The following INSL6 variants were observed in gnomAD, a reference collection of about 807,000 sequenced individuals.
INSL6 encodes insulin like 6, also known as insulin-like peptide INSL6.
INSL6 carries 16 observed loss-of-function variants against 9.4 expected under a neutral mutation model. The observed-to-expected ratio is 1.70, with a 90% CI of 1.15 to 2.59. The LOEUF (loss-of-function observed/expected upper bound fraction) is 2.59. Among genes scored for constraint, INSL6 ranks in the 30% most tolerant of loss-of-function variants. The pLI is 0.00. For synonymous variants in INSL6, 154 were observed against 96.9 expected (o/e 1.59, Z -3.46); for missense variants, 391 against 257.3 (o/e 1.52, Z -3.56).
At chr9:5,010,218 A>G in the INSL6 span, among the ~76,000 whole-genome samples, 1 of 152,110 alleles carries the variant, frequency 6.6e-6, no homozygotes, top group African/African-American at 2.4e-5. Context: ...CGTTTATATA[A>G]ACTTTTAATT....
At chr9:5,093,424 A>T in the INSL6 span, among the ~76,000 whole-genome samples, 1 of 152,172 alleles carries the variant, frequency 6.6e-6, no homozygotes, top group South Asian at 2.1e-4. Context: ...AAGAATGGCC[A>T]CATGAGGGTT....
At chr9:5,162,860 A>G (rs1479614346), downstream of INSL6, among the ~76,000 whole-genome samples, 4 of 152,250 alleles carry the variant, frequency 2.6e-5, no homozygotes, top group Admixed American at 6.5e-5. Flanking sequence ...GAACGATCTC[A>G]AATGTTGCTT....
chr9:5,146,455 T>C (rs1411289250), intron 2 of INSL6, among the ~76,000 whole-genome samples: 1 of 152,194 alleles, frequency 6.6e-6, no homozygotes, highest in Non-Finnish European at 1.5e-5. Context: ...CTGTGTGCAC[T>C]GCTGCACTGG....
the INSL6 span, among the ~76,000 whole-genome samples, chr9:4,997,656 C>G: frequency 1.3e-5 from 2 of 152,196 alleles, no homozygotes; most frequent in Non-Finnish European, 2.9e-5. Context: ...ATCAACCTTG[C>G]TGTACCCCTC....
chr9:5,014,471 A>G, the INSL6 span, among the ~76,000 whole-genome samples: 1 of 152,174 alleles, frequency 6.6e-6, no homozygotes, highest in Admixed American at 6.5e-5. Context: ...CCTTCAAGAA[A>G]CTTTCATTCT....
chr9:5,174,628 T>A (rs963267710), intron 1 of INSL6, among the ~76,000 whole-genome samples: 6 of 152,228 alleles, frequency 3.9e-5, no homozygotes, highest in Admixed American at 6.5e-5. Context: ...ACTCTTCTGG[T>A]GATCTCCTCT....
At chr9:5,101,441 C>T in the INSL6 span, among the ~76,000 whole-genome samples, 1 of 152,260 alleles carries the variant, frequency 6.6e-6, no homozygotes, top group East Asian at 1.9e-4. Context: ...GTAGACCACA[C>T]CTCTGGGGGC....
the INSL6 span, among the ~76,000 whole-genome samples, chr9:5,087,044 C>CAGAT: frequency 2.6e-4 from 39 of 152,188 alleles, no homozygotes; most frequent in South Asian, 7.7e-3. Flanking sequence ...AGAAAAAAAT[C>CAGAT]AGATATAAAT....
At chr9:5,009,218 C>G in the INSL6 span, among the ~76,000 whole-genome samples, 1 of 151,848 alleles carries the variant, frequency 6.6e-6, no homozygotes, top group African/African-American at 2.4e-5. Flanking sequence ...TGTTAAACAC[C>G]TGTGGGAAAG....
the INSL6 span, among the ~76,000 whole-genome samples, chr9:5,101,331 G>A: frequency 7.9e-5 from 12 of 152,240 alleles, no homozygotes; most frequent in East Asian, 2.3e-3. Flanking sequence ...GCAGGCGGAG[G>A]GGCGTCCGCC....
At chr9:5,109,387 C>G in the INSL6 span, 1 of 152,148 alleles carries the variant, frequency 6.6e-6, no homozygotes, top group Non-Finnish European at 1.5e-5. Flanking sequence ...GAACTGCTAA[C>G]TCATGCCCCC....
At chr9:5,023,620 G>C in the INSL6 span, among the ~76,000 whole-genome samples, 1 of 152,220 alleles carries the variant, frequency 6.6e-6, no homozygotes, top group Non-Finnish European at 1.5e-5. Context: ...ACCTTTCCCT[G>C]TGTGGAGTCT....
At chr9:5,090,850 G>C in the INSL6 span, 1 of 1,612,980 alleles carries the variant, frequency 6.2e-7, no homozygotes, top group African/African-American at 1.3e-5. Context: ...GTTAACCAAA[G>C]TCTTGCCACA....
the INSL6 span, among the ~76,000 whole-genome samples, chr9:5,102,858 ATTACC>A: frequency 6.6e-6 from 1 of 152,188 alleles, no homozygotes. Flanking sequence ...AGATTTTGTC[ATTACC>A]AGGCCTGCCT....
At chr9:5,021,981 ACT>A in the INSL6 span, 1 of 1,602,448 alleles carries the variant, frequency 6.2e-7, no homozygotes, top group Non-Finnish European at 8.5e-7. Context: ...TCTGAAAAAG[ACT>A]CTGCATGGGA....
At chr9:5,007,948 G>T in the INSL6 span, among the ~76,000 whole-genome samples, 6 of 152,042 alleles carry the variant, frequency 3.9e-5, no homozygotes, top group East Asian at 9.7e-4. Context: ...TGGCTGGCCT[G>T]GAATTCCTGA....
chr9:5,099,447 C>A, the INSL6 span: 2 of 152,280 alleles, frequency 1.3e-5, no homozygotes, highest in East Asian at 3.9e-4. Flanking sequence ...ATTATCCTGT[C>A]AATAATCATA....
At chr9:5,180,486 G>A (rs899098263) in intron 1 of INSL6, among the ~76,000 whole-genome samples, 4 of 152,240 alleles carry the variant, frequency 2.6e-5, no homozygotes, top group African/African-American at 9.6e-5. Flanking sequence ...TTCCTAGCAA[G>A]GAATATTAGT....
intron 2 of INSL6, among the ~76,000 whole-genome samples, chr9:5,146,291 T>C (rs1321533337): frequency 1.3e-5 from 2 of 152,174 alleles, no homozygotes; most frequent in Non-Finnish European, 2.9e-5. Context: ...GTTCTCTGGC[T>C]CCTCAATGTT....
Sources: allele counts gnomAD v4.1 joint callset (sites outside exome capture counted in the v4.1 genomes callset), GRCh38; gene constraint gnomAD v4.1.1; transcripts MANE v1.5; gene names NCBI Gene and HGNC (gene_info 2026-07-23, HGNC 2026-07-21).